EYS: variants seen among roughly 807,000 people sequenced by gnomAD.
The protein encoded by EYS is protein eyes shut homolog.
EYS carries 250 observed loss-of-function variants against 282.1 expected under a neutral mutation model. That is an observed-to-expected ratio of 0.89 (90% CI 0.80 to 0.98). EYS has a LOEUF of 0.98. EYS is among the 50% of genes least tolerant of loss of function. EYS has a pLI of 0.00. For missense variants in EYS, 4,016 were observed against 3,709.0 expected (o/e 1.08, Z -2.15); for synonymous variants, 1,355 against 1,282.9 (o/e 1.06, Z -1.20).
At chr6:64,570,538 C>T (rs1365725168) in intron 26 of EYS, among the ~76,000 whole-genome samples, 1 of 151,966 alleles carries the variant, frequency 6.6e-6, no homozygotes, top group Non-Finnish European at 1.5e-5. Context: ...GTGCGGTATT[C>T]AGGAGAACTG....
At chr6:63,849,707 C>A (rs758699230) in intron 36 of EYS, among the ~76,000 whole-genome samples, 6 of 152,186 alleles carry the variant, frequency 3.9e-5, no homozygotes, top group Non-Finnish European at 8.8e-5. Flanking sequence ...GATAAACCCA[C>A]AAAGATGAGG....
At chr6:64,390,401 T>G (rs879447136) in intron 28 of EYS, among the ~76,000 whole-genome samples, 20 of 152,136 alleles carry the variant, frequency 1.3e-4, no homozygotes, top group Non-Finnish European at 2.9e-4. Context: ...AGAGCAGTGG[T>G]TCTCCCAGCA....
At chr6:63,971,910 G>A (rs1466954949) in intron 35 of EYS, among the ~76,000 whole-genome samples, 1 of 152,206 alleles carries the variant, frequency 6.6e-6, no homozygotes, top group East Asian at 1.9e-4. Context: ...GAGATATGAA[G>A]AAAGGATTCT....
At chr6:63,993,345 T>C (rs1767689940) in intron 34 of EYS, among the ~76,000 whole-genome samples, 1 of 150,962 alleles carries the variant, frequency 6.6e-6, no homozygotes, top group Non-Finnish European at 1.5e-5. Flanking sequence ...ACAAAATGCA[T>C]CCAAATAAGA....
chr6:64,521,623 A>G (rs1777739816), intron 26 of EYS, among the ~76,000 whole-genome samples: 1 of 151,762 alleles, frequency 6.6e-6, no homozygotes, highest in South Asian at 2.1e-4. Flanking sequence ...AGAACTACAA[A>G]GGGCAGAAAA....
intron 15 of EYS, among the ~76,000 whole-genome samples, chr6:64,942,869 C>G (rs1769142415): frequency 6.6e-6 from 1 of 150,690 alleles, no homozygotes. Context: ...AGGAACTCCT[C>G]CCTAATTCAC....
chr6:64,519,351 T>C (rs1777659739), intron 26 of EYS, among the ~76,000 whole-genome samples: 1 of 151,858 alleles, frequency 6.6e-6, no homozygotes. Context: ...TTGTTTTGTG[T>C]AAGTCGTTGT....
intron 2 of EYS, among the ~76,000 whole-genome samples, chr6:65,541,238 T>C (rs1354203907): frequency 1.3e-5 from 2 of 152,142 alleles, no homozygotes; most frequent in Admixed American, 6.5e-5. Flanking sequence ...AATATACAAA[T>C]TGTATACTGA....
intron 22 of EYS, among the ~76,000 whole-genome samples, chr6:64,637,466 A>G (rs1768021647): frequency 1.3e-5 from 1 of 76,564 alleles, no homozygotes. Context: ...GGGGGGAGGG[A>G]CAGCATTAGG....
chr6:65,657,759 A>AT (rs1285395339), intron 1 of EYS, among the ~76,000 whole-genome samples: 1 of 151,880 alleles, frequency 6.6e-6, no homozygotes, highest in African/African-American at 2.4e-5. Context: ...ATTGACTCTA[A>AT]TTTTGAAAGA....
chr6:64,359,779 G>A (rs140775375), intron 29 of EYS, among the ~76,000 whole-genome samples: 1 of 151,628 alleles, frequency 6.6e-6, no homozygotes, highest in Non-Finnish European at 1.5e-5. Context: ...ATTGGATTAG[G>A]GCCCCATCCT....
intron 12 of EYS, among the ~76,000 whole-genome samples, chr6:65,264,864 A>G (rs1767709531): frequency 6.6e-6 from 1 of 151,766 alleles, no homozygotes; most frequent in South Asian, 2.1e-4. Context: ...TACTTACATT[A>G]TCATAGATAT....
At chr6:63,850,510 G>A (rs1036376428) in intron 36 of EYS, among the ~76,000 whole-genome samples, 3 of 152,182 alleles carry the variant, frequency 2.0e-5, no homozygotes, top group African/African-American at 7.2e-5. Flanking sequence ...CCAGAAGAAA[G>A]CGGGTGCCAA....
intron 22 of EYS, among the ~76,000 whole-genome samples, chr6:64,717,958 GGAAA>G (rs895222817): frequency 6.6e-6 from 1 of 152,186 alleles, no homozygotes; most frequent in African/African-American, 2.4e-5. Context: ...AATGCAGAGA[GGAAA>G]GAGAGACAGA....
intron 21 of EYS, among the ~76,000 whole-genome samples, chr6:64,817,642 C>A (rs1764777883): frequency 6.6e-6 from 1 of 152,034 alleles, no homozygotes; most frequent in African/African-American, 2.4e-5. Flanking sequence ...CCTATTAGTC[C>A]CATGTTTATC....
intron 22 of EYS, among the ~76,000 whole-genome samples, chr6:64,682,562 CAGA>C (rs1769938083): frequency 6.6e-6 from 1 of 152,044 alleles, no homozygotes; most frequent in South Asian, 2.1e-4. Context: ...GGCAGTTCAT[CAGA>C]AAAGTGAAGA....
chr6:65,200,395 T>C (rs989411814), intron 12 of EYS, among the ~76,000 whole-genome samples: 3 of 151,210 alleles, frequency 2.0e-5, no homozygotes, highest in African/African-American at 7.4e-5. Context: ...TTCAAGAAAG[T>C]GGTAATTGCT....
intron 14 of EYS, among the ~76,000 whole-genome samples, chr6:64,994,419 G>A (rs374980820): frequency 6.6e-6 from 1 of 152,008 alleles, no homozygotes; most frequent in Non-Finnish European, 1.5e-5. Context: ...CACATACCAG[G>A]TTCAAAGAAG....
intron 35 of EYS, among the ~76,000 whole-genome samples, chr6:63,871,430 G>A (rs1481437703): frequency 2.0e-5 from 3 of 152,120 alleles, no homozygotes; most frequent in Non-Finnish European, 4.4e-5. Flanking sequence ...GGAGGCTGAG[G>A]TGGGCAGATC....
Sources: gnomAD v4.1 joint callset for allele counts (sites outside exome capture counted in the v4.1 genomes callset) on GRCh38, gnomAD v4.1.1 for gene constraint, MANE v1.5 for transcripts, NCBI Gene and HGNC (gene_info 2026-07-23, HGNC 2026-07-21) for gene names.